The following SLC30A10 variants were observed in gnomAD, a reference collection of about 807,000 sequenced individuals.
The protein encoded by SLC30A10 is calcium/manganese antiporter SLC30A10.
Under a neutral mutation model 21.7 loss-of-function variants are expected in SLC30A10, and 8 were observed. The observed-to-expected ratio is 0.37, with a 90% CI of 0.22 to 0.67. The LOEUF is 0.67. Among genes scored for constraint, SLC30A10 ranks in the 30% least tolerant of loss-of-function variants. The pLI, the probability that SLC30A10 is intolerant of heterozygous loss-of-function variation, is 0.58. For synonymous variants in SLC30A10, 272 were observed against 279.4 expected (o/e 0.97, Z 0.26); for missense variants, 521 against 642.5 (o/e 0.81, Z 2.04).
chr1:219,951,400 T>C (rs1446297639), intron 1 of SLC30A10, among the ~76,000 whole-genome samples: 1 of 152,048 alleles, frequency 6.6e-6, no homozygotes, highest in Non-Finnish European at 1.5e-5. Context: ...GTTAATTTAT[T>C]GTGTAGTTAT....
chr1:219,925,940 C>T (rs1248039105), intron 2 of SLC30A10, among the ~76,000 whole-genome samples: 3 of 151,676 alleles, frequency 2.0e-5, no homozygotes, highest in Admixed American at 6.6e-5. Context: ...GGATTACAGG[C>T]GTGAGCCACC....
intron 2 of SLC30A10, among the ~76,000 whole-genome samples, chr1:219,925,191 T>C (rs1659784367): frequency 6.6e-6 from 1 of 152,202 alleles, no homozygotes; most frequent in African/African-American, 2.4e-5. Flanking sequence ...TTCTTCTTCT[T>C]TGCATCAATC....
chr1:219,953,801 G>A (rs1660306546), intron 1 of SLC30A10, among the ~76,000 whole-genome samples: 1 of 151,350 alleles, frequency 6.6e-6, no homozygotes, highest in African/African-American at 2.4e-5. Context: ...CCACCTCCTG[G>A]GTTCACACCA....
chr1:219,941,849 G>A (rs532299048), intron 1 of SLC30A10, among the ~76,000 whole-genome samples: 2 of 152,272 alleles, frequency 1.3e-5, no homozygotes, highest in South Asian at 2.1e-4. Flanking sequence ...AATGTCACTC[G>A]CTGGGAAAGG....
At chr1:219,931,756 T>C (rs1182950188), upstream of SLC30A10, among the ~76,000 whole-genome samples, 1 of 152,164 alleles carries the variant, frequency 6.6e-6, no homozygotes, top group Non-Finnish European at 1.5e-5. Context: ...GCTGGTATTA[T>C]AGGCGTGAGC....
chr1:219,945,884 G>A (rs767817173), intron 1 of SLC30A10, among the ~76,000 whole-genome samples: 2 of 152,144 alleles, frequency 1.3e-5, no homozygotes, highest in Non-Finnish European at 2.9e-5. Context: ...TGAAGGAATG[G>A]CATCCATTCT....
intron 1 of SLC30A10, chr1:219,958,435 AT>A (rs1165139261): frequency 6.6e-6 from 1 of 152,448 alleles, no homozygotes; most frequent in Non-Finnish European, 1.5e-5. Flanking sequence ...AGAAAGGTCG[AT>A]TGTAAAATCA....
upstream of SLC30A10, among the ~76,000 whole-genome samples, chr1:219,928,822 C>T (rs949142077): frequency 6.6e-6 from 1 of 152,158 alleles, no homozygotes; most frequent in Non-Finnish European, 1.5e-5. The surrounding 1 kb of genome is among the most constrained non-coding windows in gnomAD (Gnocchi z 6.3). Context: ...TTCACAGACT[C>T]CCTCCCCATG....
intron 1 of SLC30A10, among the ~76,000 whole-genome samples, chr1:219,939,513 C>T (rs1299526572): frequency 1.3e-5 from 2 of 152,054 alleles, no homozygotes; most frequent in Non-Finnish European, 2.9e-5. Context: ...GCTGCAACCT[C>T]CACCCCCCCA....
chr1:219,921,872 A>AGTGTGT (rs72517767), intron 2 of SLC30A10, among the ~76,000 whole-genome samples: 2,123 of 139,464 alleles, frequency 0.015, 36 homozygotes, highest in African/African-American at 0.052. Context: ...GGTGTCTCTG[A>AGTGTGT]GTGTGTGTGT....
At chr1:219,928,577 A>C, upstream of SLC30A10, 19 of 675,982 alleles carry the variant, frequency 2.8e-5, no homozygotes, top group Admixed American at 4.2e-5. The surrounding 1 kb of genome is among the most constrained non-coding windows in gnomAD (Gnocchi z 6.3). Flanking sequence ...GCCCTGCCCC[A>C]CCGCTTTTTA....
At position 219,911,953 on chromosome 1, in the gene SLC30A10, C is replaced by G. The variant is rs1400803585; in HGVS notation, c.*3496G>C. Among the ~76,000 whole-genome samples the G allele has an allele frequency of 6.6e-6, 1 of 152,020 alleles. No homozygotes were observed. The highest frequency in any genetic ancestry group is 1.5e-5 in the Non-Finnish European group (1 of 68,012). On this transcript the variant is annotated 3_prime_UTR_variant, in exon 4 of 4. Transcript: ENST00000366926. ...AACATCCTACAGTACACAACCCACA[C>G]ATCAGGAGCAAGAACACATCCAATT...
chr1:219,954,893 AG>A (rs1449249937), intron 1 of SLC30A10, among the ~76,000 whole-genome samples: 1 of 152,108 alleles, frequency 6.6e-6, no homozygotes, highest in African/African-American at 2.4e-5. Context: ...GGTCACCTTT[AG>A]GTTAAAATAA....
intron 1 of SLC30A10, among the ~76,000 whole-genome samples, chr1:219,947,853 A>G (rs1262681981): frequency 6.6e-6 from 1 of 152,148 alleles, no homozygotes; most frequent in Non-Finnish European, 1.5e-5. Context: ...ATAAATAAAA[A>G]TAAAAACCCC....
At chr1:219,925,895 A>G (rs1435952221) in intron 2 of SLC30A10, among the ~76,000 whole-genome samples, 1 of 151,598 alleles carries the variant, frequency 6.6e-6, no homozygotes, top group Non-Finnish European at 1.5e-5. Flanking sequence ...TCCCGACCTC[A>G]GGTGATCTGC....
At position 219,918,236 on chromosome 1, in the gene SLC30A10, C is replaced by T; in HGVS notation, c.958+19G>A. The T allele has an allele frequency of 6.2e-7, 1 of 1,611,180 alleles. No individual in the cohort carries two copies. The highest frequency in any genetic ancestry group is 8.5e-7 in the Non-Finnish European group (1 of 1,178,542). ...CATTAAATTGAGAGTGGTTCTGGAT[C>T]AAAATTCAGTCTACTTACTCAGCTC... On this transcript the variant is annotated intron_variant, in intron 3 of 3. Coordinates refer to ENST00000366926, the MANE Select transcript of SLC30A10 (RefSeq NM_018713.3). This position sits in a 1 kb window ranked among gnomAD's most constrained non-coding sequence, Gnocchi z 4.4.
Position 219,910,686 on chromosome 1 carries a change from A to G in SLC30A10, c.*4763T>C, listed in dbSNP as rs906692844. On this transcript the variant is annotated 3_prime_UTR_variant, in exon 4 of 4. Coordinates refer to ENST00000366926, the MANE Select transcript of SLC30A10 (RefSeq NM_018713.3). Reference sequence around the variant, plus strand: ...TACTGTAACATAACCTCAGATCTCCAGGAAGAGGTCACTCTCCCTTGAAAA... The same window carrying G: ...TACTGTAACATAACCTCAGATCTCCGGGAAGAGGTCACTCTCCCTTGAAAA... Among the ~76,000 whole-genome samples the G allele has an allele frequency of 2.6e-5, 4 of 152,218 alleles. No individual in the cohort carries two copies. Among genetic ancestry groups the G allele is most frequent in the Non-Finnish European group, 5.9e-5 (4 of 68,044 alleles).
chr1:219,933,879 C>T (rs1660004412), intron 1 of SLC30A10, among the ~76,000 whole-genome samples: 2 of 150,112 alleles, frequency 1.3e-5, no homozygotes, highest in South Asian at 4.1e-4. Flanking sequence ...AGGCCAGGCG[C>T]AGTGACTCAA....
At chr1:219,921,907 A>AAGAGAGAGAGAGAG (rs1218617156) in intron 2 of SLC30A10, among the ~76,000 whole-genome samples, 10 of 65,974 alleles carry the variant, frequency 1.5e-4, no homozygotes, top group African/African-American at 7.8e-4. Flanking sequence ...GTGTGTGTGA[A>AAGAGAGAGAGAGAG]AGAGAGAGAG....
Sources: gnomAD v4.1 joint callset for allele counts (sites outside exome capture counted in the v4.1 genomes callset) on GRCh38, gnomAD v4.1.1 for gene constraint, Gnocchi (gnomAD v3.1) non-coding constraint, MANE v1.5 for transcripts, NCBI Gene and HGNC (gene_info 2026-07-23, HGNC 2026-07-21) for gene names.